Variants in INPP4B observed in about 807,000 individuals in gnomAD.
INPP4B encodes the protein inositol polyphosphate-4-phosphatase type II B.
In INPP4B, 55 loss-of-function variants were observed where a neutral mutation model predicts 122.5. The ratio of observed to expected loss-of-function variants is 0.45; its 90% CI spans 0.36 to 0.56. The LOEUF (loss-of-function observed/expected upper bound fraction) is 0.56, where lower values mean the gene tolerates loss of function less well. INPP4B is among the 20% of genes least tolerant of loss of function. INPP4B has a pLI of 0.00. For missense variants in INPP4B, 1,000 were observed against 1,097.7 expected (o/e 0.91, Z 1.26); for synonymous variants, 403 against 388.7 (o/e 1.04, Z -0.43).
At chr4:142,485,482 T>C (rs534978478) in intron 2 of INPP4B, among the ~76,000 whole-genome samples, 1 of 152,260 alleles carries the variant, frequency 6.6e-6, no homozygotes, top group Admixed American at 6.5e-5. Context: ...TTTTTCATAA[T>C]GTAGTTTTGA....
intron 1 of INPP4B, among the ~76,000 whole-genome samples, chr4:142,843,275 T>G (rs1783783484): frequency 6.6e-6 from 1 of 151,846 alleles, no homozygotes. Context: ...CTAAAATTAT[T>G]TAATAATCTC....
At chr4:142,217,564 A>T (rs904960498) in intron 12 of INPP4B, among the ~76,000 whole-genome samples, 2 of 152,172 alleles carry the variant, frequency 1.3e-5, no homozygotes, top group Non-Finnish European at 2.9e-5. Flanking sequence ...CTGTAATCCT[A>T]GATTAAGCAA....
intron 7 of INPP4B, among the ~76,000 whole-genome samples, chr4:142,340,201 T>G (rs1346921104): frequency 6.6e-6 from 1 of 152,182 alleles, no homozygotes; most frequent in South Asian, 2.1e-4. Context: ...CCTCTCCATC[T>G]GTTCATTGAT....
chr4:142,650,924 C>G (rs1278407739), intron 2 of INPP4B, among the ~76,000 whole-genome samples: 1 of 152,102 alleles, frequency 6.6e-6, no homozygotes, highest in Non-Finnish European at 1.5e-5. Flanking sequence ...ATGCATTCTT[C>G]TCAGCACCAC....
intron 1 of INPP4B, among the ~76,000 whole-genome samples, chr4:142,845,466 C>A (rs1248852081): frequency 6.6e-6 from 1 of 152,138 alleles, no homozygotes; most frequent in Non-Finnish European, 1.5e-5. Flanking sequence ...ATGACCTCCC[C>A]CGTCCAAACC....
rs183365513 is a variant in INPP4B, at chr4:142,705,224, C to T, written c.-191+20615G>A. On this transcript the variant is annotated intron_variant, in intron 2 of 25. Coordinates refer to ENST00000262992, the MANE Select transcript of INPP4B (RefSeq NM_001101669.3). ...TAGATGGGAACCTTGATGTTCAGGA[C>T]CATCGGTTCTCTATTGCCAATCCAG... 3.9e-5 allele frequency among the ~76,000 whole-genome samples: 6 copies of T among 152,240 alleles called. No individual in the cohort carries two copies. In the East Asian group the frequency reaches 5.8e-4, roughly 15 times the overall value.
chr4:142,798,229 C>T (rs930574742), intron 1 of INPP4B, among the ~76,000 whole-genome samples: 9 of 151,738 alleles, frequency 5.9e-5, no homozygotes, highest in Admixed American at 3.9e-4. Context: ...ACATAAAAAG[C>T]AACCCAAAAT....
intron 2 of INPP4B, among the ~76,000 whole-genome samples, chr4:142,564,815 G>A (rs1731283423): frequency 2.0e-5 from 3 of 152,032 alleles, no homozygotes; most frequent in Admixed American, 2.0e-4. Flanking sequence ...TTAAAAAAAT[G>A]GAGTAACTCA....
chr4:142,461,242 A>C (rs529616500), intron 3 of INPP4B, among the ~76,000 whole-genome samples: 15 of 152,294 alleles, frequency 9.8e-5, no homozygotes, highest in African/African-American at 3.4e-4. Context: ...TAAAGTAGGC[A>C]TTACCCCAAG....
intron 3 of INPP4B, among the ~76,000 whole-genome samples, chr4:142,433,363 A>G (rs1050940382): frequency 2.6e-5 from 4 of 152,144 alleles, no homozygotes; most frequent in Non-Finnish European, 4.4e-5. Context: ...ATTTCTACTC[A>G]GGCCAGTTCT....
Position 142,638,546 on chromosome 4 carries a change from CT to C in INPP4B, c.-191+87292del, listed in dbSNP as rs3080813. 2.9e-3 allele frequency among the ~76,000 whole-genome samples: 395 copies of C among 134,276 alleles called. 3 individuals are homozygous for C. The highest frequency in any genetic ancestry group is 0.019 in the East Asian group (89 of 4,622). The allele number at this position is 134,276 out of a possible 152,430, so 88.1% of individuals were successfully genotyped here. A position where few individuals can be genotyped will look rare whatever the true frequency, so the allele number is the denominator to read the frequency against. On this transcript the variant is annotated intron_variant, in intron 2 of 25. Transcript: ENST00000262992. ...TCCATTGATTTTAGTTGTCTATTCTCTTTTTTTTTTTTTTTGAGATGGAGTC... is the reference window on the plus strand; with the variant it reads ...TCCATTGATTTTAGTTGTCTATTCTCTTTTTTTTTTTTTTGAGATGGAGTC...
intron 2 of INPP4B, among the ~76,000 whole-genome samples, chr4:142,613,362 C>T (rs1443230416): frequency 2.0e-5 from 3 of 152,088 alleles, no homozygotes; most frequent in Non-Finnish European, 2.9e-5. Context: ...CAAATGCATG[C>T]TCTTTATTTT....
chr4:142,559,326 T>G (rs936748463), intron 2 of INPP4B, among the ~76,000 whole-genome samples: 3 of 152,284 alleles, frequency 2.0e-5, no homozygotes, highest in African/African-American at 7.2e-5. Context: ...GTTATGCTTT[T>G]GTTTATCTTT....
intron 2 of INPP4B, among the ~76,000 whole-genome samples, chr4:142,720,880 C>T (rs1260555461): frequency 1.6e-5 from 2 of 125,204 alleles, no homozygotes; most frequent in Non-Finnish European, 3.3e-5. Flanking sequence ...GTCACCCAGG[C>T]TGGAGTGCAT....
chr4:142,226,102 T>C (rs1021093921), intron 12 of INPP4B, among the ~76,000 whole-genome samples: 3 of 152,188 alleles, frequency 2.0e-5, no homozygotes, highest in African/African-American at 7.2e-5. Flanking sequence ...ACAAAATATA[T>C]GGCAACATTA....
intron 7 of INPP4B, among the ~76,000 whole-genome samples, chr4:142,349,183 TTAGA>T (rs1193010510): frequency 1.3e-5 from 2 of 152,076 alleles, no homozygotes; most frequent in Non-Finnish European, 2.9e-5. Context: ...CTGTCTTAAC[TTAGA>T]TACTGTATAA....
chr4:142,134,299 G>A (rs78533717), intron 18 of INPP4B, among the ~76,000 whole-genome samples: 5,180 of 152,104 alleles, frequency 0.034, 272 homozygotes, highest in African/African-American at 0.12. Context: ...GCTTGACAAA[G>A]GCCATGAAGC....
intron 7 of INPP4B, among the ~76,000 whole-genome samples, chr4:142,343,839 C>G (rs1431974939): frequency 6.6e-6 from 1 of 151,996 alleles, no homozygotes; most frequent in African/African-American, 2.4e-5. Context: ...TTACACCACT[C>G]CTTTGTTTAG....
chr4:142,515,618 C>T (rs948391181), intron 2 of INPP4B, among the ~76,000 whole-genome samples: 4 of 152,228 alleles, frequency 2.6e-5, no homozygotes, highest in South Asian at 2.1e-4. Context: ...ACCTAGCCCC[C>T]GGCCATTGGA....
Sources: allele counts gnomAD v4.1 joint callset (sites outside exome capture counted in the v4.1 genomes callset), GRCh38; gene constraint gnomAD v4.1.1; transcripts MANE v1.5; gene names NCBI Gene and HGNC (gene_info 2026-07-23, HGNC 2026-07-21).